Variants in COMMD7 observed in about 807,000 individuals in gnomAD.
COMMD7 encodes COMM domain-containing protein 7.
Under a neutral mutation model 34.8 loss-of-function variants are expected in COMMD7, and 28 were observed. The observed-to-expected ratio is 0.80, with a 90% CI of 0.60 to 1.10. The LOEUF (loss-of-function observed/expected upper bound fraction) is 1.10. COMMD7 is among the 50% of genes least tolerant of loss of function. The probability of loss-of-function intolerance (pLI) is 0.00; values close to 1 mark genes in which losing one functional copy is unlikely to be tolerated. For missense variants in COMMD7, 211 were observed against 241.6 expected (o/e 0.87, Z 0.84); for synonymous variants, 80 against 86.4 (o/e 0.93, Z 0.41).
intron 3 of COMMD7, among the ~76,000 whole-genome samples, chr20:32,726,869 AG>A (rs1985537908): frequency 6.6e-6 from 1 of 152,188 alleles, no homozygotes; most frequent in Non-Finnish European, 1.5e-5. Context: ...GGCAAAGGAA[AG>A]AACCTTCACT....
At chr20:32,729,167 ATTT>A (rs777073115) in intron 1 of COMMD7, among the ~76,000 whole-genome samples, 6 of 122,958 alleles carry the variant, frequency 4.9e-5, no homozygotes, top group Non-Finnish European at 1.7e-5. Flanking sequence ...GCTTATTTTG[ATTT>A]TTTTTTTTTT....
chr20:32,706,394 TC>T (rs1984081294), intron 5 of COMMD7, among the ~76,000 whole-genome samples, 188 bp downstream of exon 5: 1 of 151,446 alleles, frequency 6.6e-6, no homozygotes, highest in Non-Finnish European at 1.5e-5. Flanking sequence ...GTGCCTGTAG[TC>T]CCAGCTACTG....
chr20:32,727,461 G>A (rs1025463550), intron 3 of COMMD7, among the ~76,000 whole-genome samples: 45 of 150,498 alleles, frequency 3.0e-4, no homozygotes, highest in South Asian at 2.1e-4. Flanking sequence ...ACTTGAACTC[G>A]GATGGCAGAG....
chr20:32,743,247 C>T, intron 1 of COMMD7, 61 bp downstream of exon 1: 2 of 1,079,458 alleles, frequency 1.9e-6, no homozygotes, highest in South Asian at 2.9e-5. Flanking sequence ...TCCCCCCCAC[C>T]CCAGGCCCGG....
In COMMD7 at chr20:32,743,033, G is replaced by T. The variant is rs556614322; in HGVS notation, c.84+275C>A. 4.1e-4 allele frequency among the ~76,000 whole-genome samples: 63 copies of T among 151,984 alleles called. 1 individual carries two copies. The South Asian group carries it at 0.013, about 31-fold the overall frequency. On this transcript the variant is annotated intron_variant, in intron 1 of 8. Coordinates refer to ENST00000278980, the MANE Select transcript of COMMD7 (RefSeq NM_053041.3). ...TCCTCGGCCCCAGGACCCCGCAGAGGTCCCGTAGTCCCATCTCTGAGACCC... is the reference window on the plus strand; with the variant it reads ...TCCTCGGCCCCAGGACCCCGCAGAGTTCCCGTAGTCCCATCTCTGAGACCC...
intron 5 of COMMD7, 46 bp downstream of exon 5, chr20:32,706,537 C>G: frequency 6.8e-7 from 1 of 1,463,836 alleles, no homozygotes; most frequent in African/African-American, 1.4e-5. Flanking sequence ...GAAAGAAAAG[C>G]AAGGGATCTT....
At chr20:32,720,880 A>G (rs1985111271) in intron 3 of COMMD7, among the ~76,000 whole-genome samples, 1 of 152,176 alleles carries the variant, frequency 6.6e-6, no homozygotes, top group African/African-American at 2.4e-5. Context: ...TTCGCTCTGC[A>G]CGTACTGAGC....
chr20:32,729,322 C>G (rs1053411651), intron 1 of COMMD7, among the ~76,000 whole-genome samples: 8 of 151,852 alleles, frequency 5.3e-5, no homozygotes, highest in Admixed American at 5.3e-4. Flanking sequence ...GTGCCTGCCA[C>G]CACACCTGGA....
intron 8 of COMMD7, 195 bp downstream of exon 8, chr20:32,703,827 TG>T: frequency 6.5e-7 from 1 of 1,541,156 alleles, no homozygotes; most frequent in Non-Finnish European, 8.7e-7. Context: ...TCTTCAACTG[TG>T]GGGGCTCCAA....
At chr20:32,719,203 T>C (rs777351616) in intron 3 of COMMD7, among the ~76,000 whole-genome samples, 1 of 152,120 alleles carries the variant, frequency 6.6e-6, no homozygotes, top group Non-Finnish European at 1.5e-5. Flanking sequence ...TGTGCTGTAG[T>C]TAAGTGTGCT....
At chr20:32,731,055 G>A (rs763772703) in intron 1 of COMMD7, among the ~76,000 whole-genome samples, 29 of 152,256 alleles carry the variant, frequency 1.9e-4, no homozygotes, top group Non-Finnish European at 1.6e-4. Context: ...AACGAAACTG[G>A]GTGTGGTGGC....
chr20:32,724,950 T>TAA lies in COMMD7; in HGVS notation c.241+2942_241+2943insTT, dbSNP rs1568786737. 3.2e-4 allele frequency among the ~76,000 whole-genome samples: 29 copies of TAA among 89,996 alleles called. 3 individuals carry two copies. Among genetic ancestry groups the TAA allele is most frequent in the African/African-American group, 1.2e-3 (28 of 24,048 alleles). 59.0% of individuals were successfully genotyped at this position (89,996 alleles called of 152,430 possible). On this transcript the variant is annotated intron_variant, in intron 3 of 8. Coordinates refer to ENST00000278980, the MANE Select transcript of COMMD7 (RefSeq NM_053041.3). ...AAGAATTATCAATAAAAAAATAAAT[T>TAA]TAAAAAAAAAAAAAAAAAAAAAAAG...
chr20:32,713,044 A>G (rs1329795945), intron 3 of COMMD7, among the ~76,000 whole-genome samples: 1 of 144,158 alleles, frequency 6.9e-6, no homozygotes, highest in Admixed American at 7.0e-5. Context: ...TTTCTTTTTT[A>G]ATTTCTTTTT....
In COMMD7 at chr20:32,732,829, G is replaced by A. The variant is rs181342053; in HGVS notation, c.85-4687C>T. On this transcript the variant is annotated intron_variant, in intron 1 of 8. Transcript: ENST00000278980. ...TGGGCGCCTGTAGTCCCAGCTACTCGGGAGGCTGAGGCAGGAGAATGGCAT... is the reference window on the plus strand; with the variant it reads ...TGGGCGCCTGTAGTCCCAGCTACTCAGGAGGCTGAGGCAGGAGAATGGCAT... 1.4e-3 allele frequency among the ~76,000 whole-genome samples: 216 copies of A among 151,602 alleles called. 2 individuals are homozygous for A. The highest frequency in any genetic ancestry group is 5.1e-3 in the African/African-American group (212 of 41,352).
chr20:32,719,422 G>GT (rs1985014813), intron 3 of COMMD7, among the ~76,000 whole-genome samples: 2 of 152,136 alleles, frequency 1.3e-5, no homozygotes. Context: ...CCAAGGTGGG[G>GT]TGGATCACCT....
chr20:32,706,877 C>G, intron 3 of COMMD7, 117 bp from the exon 4 acceptor site: 1 of 751,114 alleles, frequency 1.3e-6, no homozygotes, highest in Non-Finnish European at 2.3e-6. Context: ...CAAAGACTGG[C>G]CAGCTCCAAG....
intron 1 of COMMD7, among the ~76,000 whole-genome samples, chr20:32,732,147 A>G (rs1320881367): frequency 6.6e-6 from 1 of 152,170 alleles, no homozygotes; most frequent in East Asian, 1.9e-4. Context: ...CAGTGGCGCA[A>G]TCACGGCTCG....
Position 32,743,323 on chromosome 20 carries a change from G to C in COMMD7, c.69C>G (p.Asn23Lys), listed in dbSNP as rs1233144544. 3 of 1,516,798 alleles carry C rather than the reference G, an allele frequency of 2.0e-6. No homozygotes were observed. Among genetic ancestry groups the C allele is most frequent in the African/African-American group, 2.8e-5 (2 of 70,718 alleles). 94.0% of individuals were successfully genotyped at this position (1,516,798 alleles called of 1,614,324 possible). ...CCGGGCCCACCTGCGCGCCCAGCTG[G>C]TTCAGCTGCTGCATGTCGCCGCCCA... ...EAVGGDMQQL[N>K]QLGAQQFSAL... The change falls in exon 1 of 9, where the codon AAC (asparagine) becomes AAG (lysine). Residue 23 changes from asparagine (N) to lysine (K), a missense_variant. Physicochemically the swap from Asn to Lys is moderately conservative, Grantham distance 94. Coordinates refer to ENST00000278980, the MANE Select transcript of COMMD7 (RefSeq NM_053041.3).
chr20:32,704,599 G>C (rs1013540031), intron 6 of COMMD7, 110 bp from the exon 7 acceptor site: 98 of 1,197,622 alleles, frequency 8.2e-5, no homozygotes, highest in Non-Finnish European at 1.1e-4. Flanking sequence ...AAGCCATGTG[G>C]GGGCAAGTAT....
Sources: allele counts gnomAD v4.1 joint callset (sites outside exome capture counted in the v4.1 genomes callset), GRCh38; gene constraint gnomAD v4.1.1; transcripts MANE v1.5; gene names NCBI Gene and HGNC (gene_info 2026-07-23, HGNC 2026-07-21).